AUH: variants seen among roughly 807,000 people sequenced by gnomAD.
The protein encoded by AUH is AU RNA binding methylglutaconyl-CoA hydratase, also known as methylglutaconyl-CoA hydratase, mitochondrial.
AUH carries 29 observed loss-of-function variants against 42.3 expected under a neutral mutation model. The observed-to-expected ratio is 0.69, with a 90% CI of 0.51 to 0.93. The LOEUF is 0.93. Ranked by LOEUF, AUH falls within the 40% of genes least tolerant of loss-of-function variation. The pLI is 0.00. For missense variants in AUH, 452 were observed against 438.1 expected, an observed-to-expected ratio of 1.03 and a Z score of -0.28; for synonymous variants, 174 against 166.4, an observed-to-expected ratio of 1.05 and a Z score of -0.35.
intron 6 of AUH, among the ~76,000 whole-genome samples, chr9:91,268,225 T>C (rs1276154449): frequency 6.6e-6 from 1 of 152,182 alleles, no homozygotes; most frequent in Non-Finnish European, 1.5e-5. Flanking sequence ...CCACCTAAAC[T>C]TTGGGTTAAA....
chr9:91,224,325 A>ATT (rs1827310714), intron 6 of AUH, among the ~76,000 whole-genome samples: 1 of 152,104 alleles, frequency 6.6e-6, no homozygotes, highest in Admixed American at 6.6e-5. Flanking sequence ...TCATTTGTTG[A>ATT]GTTACAGGAG....
chr9:91,224,601 T>C (rs1482503912), intron 6 of AUH, among the ~76,000 whole-genome samples: 1 of 152,208 alleles, frequency 6.6e-6, no homozygotes, highest in African/African-American at 2.4e-5. Context: ...GCTATGGTCT[T>C]TGATCAGTTT....
chr9:91,358,794 T>A (rs1374844381), intron 1 of AUH, among the ~76,000 whole-genome samples: 1 of 152,236 alleles, frequency 6.6e-6, no homozygotes, highest in Non-Finnish European at 1.5e-5. Flanking sequence ...TACTTCCACT[T>A]CAAAAAGCTA....
chr9:91,340,300 GT>G (rs1314041526), intron 3 of AUH, among the ~76,000 whole-genome samples: 2 of 152,132 alleles, frequency 1.3e-5, no homozygotes, highest in African/African-American at 4.8e-5. Context: ...CCAATTGACA[GT>G]TATTTCACAT....
intron 3 of AUH, among the ~76,000 whole-genome samples, chr9:91,349,817 T>A (rs939875704): frequency 6.6e-6 from 1 of 152,220 alleles, no homozygotes; most frequent in Non-Finnish European, 1.5e-5. Flanking sequence ...ACATAATCCA[T>A]GTAGCCAATG....
chr9:91,295,891 TA>T, intron 6 of AUH, 129 bp downstream of exon 6: 1 of 1,026,240 alleles, frequency 9.7e-7, no homozygotes, highest in Non-Finnish European at 1.5e-6. Context: ...GGGACTTTGC[TA>T]GGGATGCAAA....
rs1208037651 is a variant in AUH, at chr9:91,361,703, G to T, written c.187C>A (p.Pro63Thr). Reference sequence around the variant, plus strand: ...ATCTCAGAGCTGTAGCCCCTTTTCGGGGCGGGACCCCCGGCCGCAGGTACC... The same window carrying T: ...ATCTCAGAGCTGTAGCCCCTTTTCGTGGCGGGACCCCCGGCCGCAGGTACC... ...GWVPAAGGPA[P>T]KRGYSSEMKT... Residue 63 changes from proline (P) to threonine (T), a missense_variant, in exon 1 of 10, where the codon CCG (proline) becomes ACG (threonine). Transcript: ENST00000375731. 2 of 1,558,550 alleles carry T rather than the reference G, an allele frequency of 1.3e-6. No individual in the cohort carries two copies. The highest frequency in any genetic ancestry group is 1.7e-6 in the Non-Finnish European group (2 of 1,151,594).
chr9:91,271,925 AC>A (rs1395319861), intron 6 of AUH, among the ~76,000 whole-genome samples: 1 of 151,966 alleles, frequency 6.6e-6, no homozygotes, highest in Non-Finnish European at 1.5e-5. Flanking sequence ...CAGGTGATCC[AC>A]CCGCCTCGGC....
chr9:91,359,209 A>C (rs1051794798), intron 1 of AUH, among the ~76,000 whole-genome samples: 1 of 152,228 alleles, frequency 6.6e-6, no homozygotes, highest in African/African-American at 2.4e-5. Flanking sequence ...AAACAAAACA[A>C]AATACGTTCT....
intron 3 of AUH, among the ~76,000 whole-genome samples, chr9:91,355,087 T>C (rs1187528109): frequency 6.6e-6 from 1 of 152,216 alleles, no homozygotes; most frequent in Non-Finnish European, 1.5e-5. Context: ...GTTACTCAAC[T>C]GGAATTAAAA....
At chr9:91,313,709 C>G (rs13289739) in intron 4 of AUH, among the ~76,000 whole-genome samples, 5 of 75,310 alleles carry the variant, frequency 6.6e-5, no homozygotes, top group African/African-American at 1.2e-4. Flanking sequence ...GAGACTCCGT[C>G]TCAAAAAAAA....
intron 6 of AUH, among the ~76,000 whole-genome samples, chr9:91,257,315 G>C (rs1343330594): frequency 6.6e-6 from 1 of 151,642 alleles, no homozygotes; most frequent in Non-Finnish European, 1.5e-5. Flanking sequence ...AGAGACGAGT[G>C]GCAGTGCAAG....
At chr9:91,223,213 A>C (rs1335586878) in intron 6 of AUH, among the ~76,000 whole-genome samples, 1 of 152,190 alleles carries the variant, frequency 6.6e-6, no homozygotes, top group Non-Finnish European at 1.5e-5. Context: ...GAACCAGGGG[A>C]AAACCCTTGG....
intron 6 of AUH, among the ~76,000 whole-genome samples, chr9:91,252,835 T>C (rs1829210584): frequency 6.6e-6 from 1 of 152,236 alleles, no homozygotes; most frequent in East Asian, 1.9e-4. Flanking sequence ...AACAATCTTT[T>C]AATTTTTACA....
At position 91,344,317 on chromosome 9, in the gene AUH, C is replaced by T. The variant is rs1189470016; in HGVS notation, c.418+11566G>A. On this transcript the variant is annotated intron_variant, in intron 3 of 9. Transcript: ENST00000375731. ...CTGAATCTACCTATAACCTGGAAGG[C>T]CCCCTATCCCTCACTGCTTCCAGTT... Among the ~76,000 whole-genome samples the T allele has an allele frequency of 3.9e-5, 6 of 152,256 alleles. No homozygotes were observed. The East Asian group carries it at 1.2e-3, about 29-fold the overall frequency.
At chr9:91,286,683 T>C (rs1309864677) in intron 6 of AUH, among the ~76,000 whole-genome samples, 3 of 146,706 alleles carry the variant, frequency 2.0e-5, no homozygotes, top group African/African-American at 7.6e-5. Flanking sequence ...AAGTTAAATC[T>C]AGAATGAGCA....
chr9:91,217,283 C>T lies in AUH; in HGVS notation c.888G>A (p.Gly296=). 9.3e-6 allele frequency: 15 copies of T among 1,613,740 alleles called. No homozygotes were observed. The highest frequency in any genetic ancestry group is 1.2e-5 in the Non-Finnish European group (14 of 1,179,720). The change falls in exon 8 of 10, where the codon GGG becomes GGA. Residue 296 remains glycine (G), a synonymous_variant. Coordinates refer to ENST00000375731, the MANE Select transcript of AUH (RefSeq NM_001698.3). ...MRVAKLAINQ[G]MEVDLVTGLA... is the part of the protein sequence containing the mutation. ...CAAGCATTAAGGAACCTACCTCCAT[C>T]CCTTGATTAATTGCTAATTTTGCCA...
At chr9:91,349,383 A>G (rs1438278147) in intron 3 of AUH, among the ~76,000 whole-genome samples, 1 of 152,212 alleles carries the variant, frequency 6.6e-6, no homozygotes, top group Non-Finnish European at 1.5e-5. Flanking sequence ...ATTTCAAAAG[A>G]AAAAATCCTC....
intron 3 of AUH, among the ~76,000 whole-genome samples, chr9:91,325,939 G>T (rs981543038): frequency 4.6e-5 from 7 of 152,146 alleles, no homozygotes; most frequent in Non-Finnish European, 1.0e-4. Context: ...CTGCCTTGGG[G>T]ACTGTCAACC....
Sources: gnomAD v4.1 joint callset for allele counts (sites outside exome capture counted in the v4.1 genomes callset) on GRCh38, gnomAD v4.1.1 for gene constraint, MANE v1.5 for transcripts, NCBI Gene and HGNC (gene_info 2026-07-23, HGNC 2026-07-21) for gene names.